Variants in VRK2 observed in about 807,000 individuals in gnomAD.
The protein encoded by VRK2 is serine/threonine-protein kinase VRK2.
Under a neutral mutation model 57.6 loss-of-function variants are expected in VRK2, and 60 were observed. That is an observed-to-expected ratio of 1.04 (90% CI 0.85 to 1.29). The LOEUF (loss-of-function observed/expected upper bound fraction) is 1.29. Ranked by LOEUF, VRK2 falls within the 50% of genes most tolerant of loss-of-function variation. VRK2 has a pLI of 0.00. For synonymous variants in VRK2, 231 were observed against 199.2 expected (o/e 1.16, Z -1.35); for missense variants, 705 against 588.1 (o/e 1.20, Z -2.06).
chr2:58,108,260 G>A (rs893844283), intron 7 of VRK2, among the ~76,000 whole-genome samples: 8 of 152,086 alleles, frequency 5.3e-5, no homozygotes, highest in Middle Eastern at 3.4e-3. Context: ...CCAGTAACTC[G>A]TGGATCTCTT....
intron 2 of VRK2, among the ~76,000 whole-genome samples, chr2:58,053,813 T>G (rs1370849027): frequency 6.6e-6 from 1 of 152,178 alleles, no homozygotes. Flanking sequence ...GTGGTGCCAC[T>G]GCAATTGTTA....
chr2:58,141,452 A>T (rs1234461841), intron 11 of VRK2, among the ~76,000 whole-genome samples: 3 of 152,000 alleles, frequency 2.0e-5, no homozygotes, highest in Non-Finnish European at 4.4e-5. Flanking sequence ...ATGAGCCTCC[A>T]TCAAGAATAT....
At chr2:58,060,631 G>T (rs1677185532) in intron 2 of VRK2, among the ~76,000 whole-genome samples, 1 of 151,766 alleles carries the variant, frequency 6.6e-6, no homozygotes, top group Non-Finnish European at 1.5e-5. Context: ...ACATGAAAAT[G>T]TAAAGACATG....
At chr2:57,978,276 C>G (rs931514110) in intron 1 of VRK2, among the ~76,000 whole-genome samples, 3 of 150,792 alleles carry the variant, frequency 2.0e-5, no homozygotes, top group African/African-American at 7.4e-5. Context: ...AATAAATAAC[C>G]AGGTTACAGA....
intron 1 of VRK2, among the ~76,000 whole-genome samples, chr2:57,965,835 T>C (rs1263232615): frequency 6.6e-6 from 1 of 152,178 alleles, no homozygotes; most frequent in Non-Finnish European, 1.5e-5. Context: ...CCAGACTTCA[T>C]TGGTCATACC....
At chr2:57,997,125 T>C (rs946544896) in intron 1 of VRK2, among the ~76,000 whole-genome samples, 3 of 152,072 alleles carry the variant, frequency 2.0e-5, no homozygotes, top group African/African-American at 7.2e-5. Flanking sequence ...TTTGAGTCAT[T>C]GATGGAAAGA....
chr2:58,100,150 G>T (rs557116501), intron 7 of VRK2, among the ~76,000 whole-genome samples: 1 of 151,896 alleles, frequency 6.6e-6, no homozygotes, highest in Admixed American at 6.6e-5. Flanking sequence ...CATTAAATCC[G>T]CTTGTTTACT....
At chr2:58,148,978 C>A (rs1682577752) in intron 12 of VRK2, among the ~76,000 whole-genome samples, 1 of 151,708 alleles carries the variant, frequency 6.6e-6, no homozygotes, top group Non-Finnish European at 1.5e-5. Flanking sequence ...CATTTTAGGT[C>A]CTAGTCTCCT....
chr2:57,949,846 C>T (rs1027241861), intron 1 of VRK2, among the ~76,000 whole-genome samples: 2 of 152,172 alleles, frequency 1.3e-5, no homozygotes, highest in Non-Finnish European at 2.9e-5. Flanking sequence ...TTAAAAAGTA[C>T]TAATCCAGTG....
At chr2:58,125,375 T>G (rs186165233) in intron 8 of VRK2, among the ~76,000 whole-genome samples, 2 of 152,268 alleles carry the variant, frequency 1.3e-5, no homozygotes, top group East Asian at 3.9e-4. Context: ...CACATTTTTA[T>G]TTTTTAGTCT....
chr2:58,133,119 A>G (rs1211780969), intron 9 of VRK2, among the ~76,000 whole-genome samples: 4 of 152,268 alleles, frequency 2.6e-5, no homozygotes, highest in Middle Eastern at 6.8e-3. Flanking sequence ...TAATGATTAT[A>G]TATTTGTTTT....
intron 2 of VRK2, among the ~76,000 whole-genome samples, chr2:58,060,182 C>G (rs1677116948): frequency 1.3e-5 from 2 of 151,646 alleles, no homozygotes; most frequent in South Asian, 4.1e-4. Context: ...GAAAACAAAA[C>G]AAACCTGTAT....
intron 7 of VRK2, among the ~76,000 whole-genome samples, chr2:58,094,260 T>C (rs1341607828): frequency 6.6e-6 from 1 of 152,188 alleles, no homozygotes; most frequent in Non-Finnish European, 1.5e-5. Context: ...TTGGGCAGTA[T>C]GGCCATTCTG....
intron 7 of VRK2, among the ~76,000 whole-genome samples, chr2:58,092,837 C>T (rs530820044): frequency 3.3e-5 from 5 of 152,268 alleles, no homozygotes; most frequent in African/African-American, 9.6e-5. Flanking sequence ...TGACAGGCCC[C>T]GGTGTGTGTT....
chr2:58,074,881 A>G (rs1025311556), intron 2 of VRK2, among the ~76,000 whole-genome samples: 5 of 151,886 alleles, frequency 3.3e-5, no homozygotes, highest in African/African-American at 1.2e-4. Flanking sequence ...TCTGCTTTTT[A>G]TTTTTATTAT....
At chr2:57,979,944 T>C (rs1345312667) in intron 1 of VRK2, among the ~76,000 whole-genome samples, 1 of 152,144 alleles carries the variant, frequency 6.6e-6, no homozygotes, top group Non-Finnish European at 1.5e-5. Context: ...TTTGTTAATC[T>C]AGCCAAGAGT....
chr2:58,019,358 C>T (rs529418128), intron 1 of VRK2, among the ~76,000 whole-genome samples: 51 of 152,118 alleles, frequency 3.4e-4, no homozygotes, highest in Non-Finnish European at 6.2e-4. Flanking sequence ...TGGTCCCATA[C>T]ATGTAAACAT....
intron 9 of VRK2, among the ~76,000 whole-genome samples, chr2:58,132,701 A>G (rs542147291): frequency 6.6e-6 from 1 of 152,328 alleles, no homozygotes; most frequent in East Asian, 1.9e-4. Context: ...ACAACAGAAG[A>G]GTACAAAGCC....
intron 12 of VRK2, among the ~76,000 whole-genome samples, chr2:58,156,577 GTGTT>G (rs927703324): frequency 7.2e-6 from 1 of 139,118 alleles, no homozygotes; most frequent in African/African-American, 3.5e-5. Flanking sequence ...TTGGGTGGTG[GTGTT>G]TTTTTTGTTT....
Sources: allele counts gnomAD v4.1 joint callset (sites outside exome capture counted in the v4.1 genomes callset), GRCh38; gene constraint gnomAD v4.1.1; transcripts MANE v1.5; gene names NCBI Gene and HGNC (gene_info 2026-07-23, HGNC 2026-07-21).